The following CDH4 variants were observed in gnomAD, a reference collection of about 807,000 sequenced individuals.
CDH4 encodes cadherin-4.
A neutral mutation model predicts 86.0 loss-of-function variants in CDH4; 33 were observed. The observed-to-expected ratio is 0.38, with a 90% CI of 0.29 to 0.51. The LOEUF (loss-of-function observed/expected upper bound fraction) is 0.51. CDH4 is among the 20% of genes least tolerant of loss of function. The probability of loss-of-function intolerance (pLI) is 0.86; values close to 1 mark genes in which losing one functional copy is unlikely to be tolerated. For missense variants in CDH4, 1,114 were observed against 1,307.4 expected, an observed-to-expected ratio of 0.85 and a Z score of 2.28; for synonymous variants, 555 against 549.4, an observed-to-expected ratio of 1.01 and a Z score of -0.14.
intron 2 of CDH4, among the ~76,000 whole-genome samples, chr20:61,296,326 T>C (rs1600843887): frequency 1.4e-5 from 2 of 147,316 alleles, no homozygotes; most frequent in East Asian, 1.9e-4. Context: ...CATGCGTGCG[T>C]GTGTGTGTGT....
At chr20:61,828,645 C>T (rs370880662) in intron 4 of CDH4, among the ~76,000 whole-genome samples, 1 of 152,242 alleles carries the variant, frequency 6.6e-6, no homozygotes, top group Non-Finnish European at 1.5e-5. Context: ...CTTCCCTTTG[C>T]TGATGGCCTC....
At chr20:61,423,785 G>A (rs888445407) in intron 2 of CDH4, among the ~76,000 whole-genome samples, 4 of 152,050 alleles carry the variant, frequency 2.6e-5, no homozygotes, top group Non-Finnish European at 5.9e-5. Flanking sequence ...CTCAGCATCC[G>A]AGCAAGCAGT....
intron 10 of CDH4, among the ~76,000 whole-genome samples, chr20:61,923,984 A>G (rs757755594): frequency 1.3e-5 from 2 of 152,210 alleles, no homozygotes; most frequent in Non-Finnish European, 1.5e-5. Flanking sequence ...TCTCATAGCT[A>G]TAAGACTCAG....
At chr20:61,633,548 A>T (rs905894217) in intron 2 of CDH4, among the ~76,000 whole-genome samples, 4 of 152,058 alleles carry the variant, frequency 2.6e-5, no homozygotes, top group Admixed American at 2.0e-4. Flanking sequence ...GTATCCACCC[A>T]TTCATCCCAT....
chr20:61,902,599 C>G lies in CDH4; in HGVS notation c.1188+7552C>G, dbSNP rs1043746411. 3.3e-5 allele frequency among the ~76,000 whole-genome samples: 5 copies of G among 152,180 alleles called. No individual in the cohort carries two copies. The highest frequency in any genetic ancestry group is 1.2e-4 in the African/African-American group (5 of 41,438). ...TGCCGGAAGGTCTCCGTGGCAACTC[C>G]GAAACTCCGCCATTGTAGGACAAAA... On this transcript the variant is annotated intron_variant, in intron 8 of 15. Transcript: ENST00000614565. The surrounding 1 kb of genome is among the most constrained non-coding windows in gnomAD (Gnocchi z 4.6).
In CDH4 at chr20:61,343,924, T is replaced by TA. The variant is rs568582860; in HGVS notation, c.169+88997dup. On this transcript the variant is annotated intron_variant, in intron 2 of 15. Transcript: ENST00000614565. The stretch of plus-strand genomic sequence containing the variant: ...GGCTAGACACTACAGGGGCCAAGAT[T>TA]AAAAAAAAAATAAACACTGAATAAC... 7.0e-3 allele frequency among the ~76,000 whole-genome samples: 1,039 copies of TA among 149,336 alleles called. 9 individuals are homozygous for TA. Among genetic ancestry groups the TA allele is most frequent in the Non-Finnish European group, 7.2e-3 (481 of 67,058 alleles).
chr20:61,758,666 A>G lies in CDH4; in HGVS notation c.397-14337A>G, dbSNP rs191937927. Among the ~76,000 whole-genome samples the G allele has an allele frequency of 3.0e-3, 462 of 152,310 alleles. 4 individuals are homozygous for G. Among genetic ancestry groups the G allele is most frequent in the East Asian group, 4.1e-3 (21 of 5,176 alleles). On this transcript the variant is annotated intron_variant, in intron 3 of 15. Coordinates refer to ENST00000614565, the MANE Select transcript of CDH4 (RefSeq NM_001794.5). ...GCACGTGGCACCGCGTCCCATGTAC[A>G]GTGACGGTCCCCCTGAGCCGTGGCC...
At chr20:61,289,671 C>T (rs1324994153) in intron 2 of CDH4, among the ~76,000 whole-genome samples, 5 of 151,740 alleles carry the variant, frequency 3.3e-5, no homozygotes, top group South Asian at 2.1e-4. Flanking sequence ...CCATATCCAA[C>T]GAGACTTGCT....
chr20:61,646,264 C>A (rs1020034669), intron 2 of CDH4, among the ~76,000 whole-genome samples: 6 of 152,262 alleles, frequency 3.9e-5, no homozygotes, highest in African/African-American at 1.2e-4. Context: ...GAAATTTAAA[C>A]CTCCTGACAC....
chr20:61,320,925 C>T (rs757144033), intron 2 of CDH4, among the ~76,000 whole-genome samples: 5 of 152,032 alleles, frequency 3.3e-5, no homozygotes, highest in African/African-American at 1.2e-4. Context: ...CAGGCCTAGG[C>T]GGGAGCCAGG....
At chr20:61,324,893 G>A (rs78021544) in intron 2 of CDH4, among the ~76,000 whole-genome samples, 3,961 of 152,262 alleles carry the variant, frequency 0.026, 156 homozygotes, top group African/African-American at 0.089. Context: ...GAACTCGCTG[G>A]GAGGCCATCA....
rs1016127750 is a variant in CDH4 at position 61,582,158 on chromosome 20, T to C, written c.170-161405T>C. Among the ~76,000 whole-genome samples, 5 of 152,218 alleles carry C rather than the reference T, an allele frequency of 3.3e-5. No homozygotes were observed. Among genetic ancestry groups the C allele is most frequent in the African/African-American group, 1.2e-4 (5 of 41,470 alleles). On this transcript the variant is annotated intron_variant, in intron 2 of 15. Transcript: ENST00000614565. The surrounding 1 kb of genome is among the most constrained non-coding windows in gnomAD (Gnocchi z 4.2). ...CCATGCCTTGTGTGTGCACGGAGAC[T>C]TTCCTGTCCACCTGCCCCTCCCTGG...
chr20:61,711,037 C>G (rs1281987787), intron 2 of CDH4, among the ~76,000 whole-genome samples: 1 of 152,158 alleles, frequency 6.6e-6, no homozygotes, highest in Non-Finnish European at 1.5e-5. Flanking sequence ...GAATTATAAT[C>G]CCTCTAATCT....
intron 2 of CDH4, among the ~76,000 whole-genome samples, chr20:61,301,375 G>A (rs1319557334): frequency 6.6e-6 from 1 of 152,228 alleles, no homozygotes; most frequent in Non-Finnish European, 1.5e-5. Context: ...AGCCATGTTT[G>A]AAAACACATT....
At chr20:61,751,582 G>T (rs2088496742) in intron 3 of CDH4, among the ~76,000 whole-genome samples, 1 of 151,890 alleles carries the variant, frequency 6.6e-6, no homozygotes, top group African/African-American at 2.4e-5. Context: ...TATTATAAGA[G>T]CAGTGCTGTA....
intron 2 of CDH4, among the ~76,000 whole-genome samples, chr20:61,515,337 G>A (rs1195096452): frequency 1.3e-5 from 2 of 152,170 alleles, no homozygotes; most frequent in Middle Eastern, 3.2e-3. Context: ...AAAGGACGCC[G>A]CAGTCCCCAA....
intron 2 of CDH4, among the ~76,000 whole-genome samples, chr20:61,471,999 G>A (rs1372465731): frequency 6.6e-6 from 1 of 152,192 alleles, no homozygotes; most frequent in Non-Finnish European, 1.5e-5. Flanking sequence ...GATACGTTCT[G>A]TAAATATCGA....
rs1361584653 is a variant in CDH4 at position 61,672,165 on chromosome 20, A to AT, written c.170-71397dup. Among the ~76,000 whole-genome samples, 3 of 151,354 alleles carry AT rather than the reference A, an allele frequency of 2.0e-5. No individual in the cohort carries two copies. The East Asian group carries it at 5.9e-4, about 30-fold the overall frequency. On this transcript the variant is annotated intron_variant, in intron 2 of 15. Transcript: ENST00000614565. ...ATCATATGGGTGGATGGGTTGATGG[A>AT]TAGATGAATGGGTGGGTATATGGAT...
At chr20:61,710,947 A>T (rs548936113) in intron 2 of CDH4, among the ~76,000 whole-genome samples, 21 of 152,136 alleles carry the variant, frequency 1.4e-4, no homozygotes, top group Non-Finnish European at 2.6e-4. Context: ...TGGCCTGAAC[A>T]TCATAGGCAT....
Sources: gnomAD v4.1 joint callset for allele counts (sites outside exome capture counted in the v4.1 genomes callset) on GRCh38, gnomAD v4.1.1 for gene constraint, Gnocchi (gnomAD v3.1) non-coding constraint, MANE v1.5 for transcripts, NCBI Gene and HGNC (gene_info 2026-07-23, HGNC 2026-07-21) for gene names.